TRAPPC9: variants seen among roughly 807,000 people sequenced by gnomAD.
TRAPPC9 encodes IKK2 binding protein.
TRAPPC9 carries 83 observed loss-of-function variants against 124.0 expected under a neutral mutation model. The ratio of observed to expected loss-of-function variants is 0.67; its 90% CI spans 0.56 to 0.80. TRAPPC9 has a LOEUF of 0.80. Among genes scored for constraint, TRAPPC9 ranks in the 30% least tolerant of loss-of-function variants. TRAPPC9 has a pLI of 0.00. For synonymous variants in TRAPPC9, 638 were observed against 617.5 expected, an observed-to-expected ratio of 1.03 and a Z score of -0.49; for missense variants, 1,302 against 1,508.3, an observed-to-expected ratio of 0.86 and a Z score of 2.27.
chr8:140,135,659 C>T (rs955904919), intron 17 of TRAPPC9, among the ~76,000 whole-genome samples: 5 of 152,270 alleles, frequency 3.3e-5, no homozygotes, highest in South Asian at 2.1e-4. Flanking sequence ...ATTATTGCTT[C>T]GTGGATACAG....
At chr8:140,380,945 C>T (rs1457617873) in intron 7 of TRAPPC9, among the ~76,000 whole-genome samples, 3 of 151,954 alleles carry the variant, frequency 2.0e-5, no homozygotes, top group African/African-American at 7.2e-5. Context: ...TGGTTCATGC[C>T]TGTAATCTTA....
chr8:140,304,446 C>A (rs1037386816), intron 10 of TRAPPC9, among the ~76,000 whole-genome samples: 1 of 151,868 alleles, frequency 6.6e-6, no homozygotes, highest in South Asian at 2.1e-4. Context: ...GGGCATAGGA[C>A]GTTGAAGTGT....
At chr8:140,379,106 T>C (rs890151063) in intron 7 of TRAPPC9, among the ~76,000 whole-genome samples, 1 of 152,202 alleles carries the variant, frequency 6.6e-6, no homozygotes, top group African/African-American at 2.4e-5. Flanking sequence ...AACAGACTTT[T>C]TTTTTTTTTC....
chr8:139,925,984 C>A (rs978224460), intron 19 of TRAPPC9, among the ~76,000 whole-genome samples: 1 of 152,210 alleles, frequency 6.6e-6, no homozygotes, highest in Non-Finnish European at 1.5e-5. Context: ...CAATGGTGTG[C>A]TGCAGCTAGC....
At chr8:140,288,791 G>A (rs1210383630) in intron 12 of TRAPPC9, among the ~76,000 whole-genome samples, 6 of 152,182 alleles carry the variant, frequency 3.9e-5, no homozygotes, top group Non-Finnish European at 7.3e-5. Flanking sequence ...AACTACATTA[G>A]AATAAACCTA....
intron 21 of TRAPPC9, among the ~76,000 whole-genome samples, chr8:139,765,210 G>A (rs749565517): frequency 3.0e-4 from 45 of 152,278 alleles, no homozygotes; most frequent in Non-Finnish European, 5.0e-4. Flanking sequence ...CCATCCCATC[G>A]CTCAGAGGCG....
At chr8:140,039,067 A>T (rs1841095231) in intron 17 of TRAPPC9, among the ~76,000 whole-genome samples, 1 of 152,218 alleles carries the variant, frequency 6.6e-6, no homozygotes, top group Admixed American at 6.5e-5. Flanking sequence ...TCCGGTGTTA[A>T]ATCTGTGGTA....
At chr8:140,401,991 A>G (rs1160550921) in intron 6 of TRAPPC9, among the ~76,000 whole-genome samples, 3 of 149,800 alleles carry the variant, frequency 2.0e-5, no homozygotes, top group Non-Finnish European at 4.4e-5. Flanking sequence ...TATGATTAAT[A>G]TATTATTCCT....
At chr8:140,086,654 G>A (rs1844203209) in intron 17 of TRAPPC9, among the ~76,000 whole-genome samples, 2 of 152,170 alleles carry the variant, frequency 1.3e-5, no homozygotes, top group African/African-American at 4.8e-5. Flanking sequence ...AGGCGTGGTG[G>A]CTCATGCCTG....
intron 21 of TRAPPC9, among the ~76,000 whole-genome samples, chr8:139,877,947 C>A (rs374190244): frequency 6.6e-6 from 1 of 152,204 alleles, no homozygotes; most frequent in African/African-American, 2.4e-5. Context: ...GTCCGAGCCA[C>A]GCAACTGCTG....
intron 21 of TRAPPC9, among the ~76,000 whole-genome samples, chr8:139,761,968 T>C (rs1166776397): frequency 6.6e-6 from 1 of 151,762 alleles, no homozygotes; most frequent in Non-Finnish European, 1.5e-5. Flanking sequence ...AGATTGTTTC[T>C]TTTACACTTG....
At chr8:140,040,881 A>G (rs1197502928) in intron 17 of TRAPPC9, 1 of 152,302 alleles carries the variant, frequency 6.6e-6, no homozygotes, top group Non-Finnish European at 1.5e-5. Flanking sequence ...GGAAACAGTC[A>G]AGAGATGACC....
At chr8:140,457,022 A>C (rs1564038858) in intron 1 of TRAPPC9, among the ~76,000 whole-genome samples, 1 of 152,204 alleles carries the variant, frequency 6.6e-6, no homozygotes, top group African/African-American at 2.4e-5. Flanking sequence ...TGGAGTTGAC[A>C]GCGCGCTTAT....
At chr8:140,086,468 T>C (rs1170139565) in intron 17 of TRAPPC9, among the ~76,000 whole-genome samples, 1 of 152,084 alleles carries the variant, frequency 6.6e-6, no homozygotes, top group Non-Finnish European at 1.5e-5. Flanking sequence ...TCCCCATGGC[T>C]CTCAGGGGCC....
At chr8:139,910,840 T>C (rs568212623) in intron 19 of TRAPPC9, among the ~76,000 whole-genome samples, 18 of 152,358 alleles carry the variant, frequency 1.2e-4, no homozygotes, top group Middle Eastern at 3.4e-3. Context: ...TGTACCCCTA[T>C]TGTATCTAGG....
intron 1 of TRAPPC9, among the ~76,000 whole-genome samples, chr8:140,454,007 G>A (rs886504215): frequency 7.2e-5 from 11 of 152,194 alleles, no homozygotes; most frequent in Admixed American, 1.3e-4. Context: ...GTATCATCTC[G>A]GCCAGACACG....
At chr8:139,743,145 TAC>T (rs1157364848) in intron 21 of TRAPPC9, among the ~76,000 whole-genome samples, 1 of 152,104 alleles carries the variant, frequency 6.6e-6, no homozygotes, top group Admixed American at 6.5e-5. Context: ...CTGTGTAAAT[TAC>T]AGTGACAGCG....
intron 7 of TRAPPC9, among the ~76,000 whole-genome samples, chr8:140,372,467 C>T (rs1243791561): frequency 6.6e-6 from 1 of 152,172 alleles, no homozygotes; most frequent in African/African-American, 2.4e-5. Context: ...CCTACCACCT[C>T]TCGACCTTCC....
At chr8:139,872,614 G>A (rs1288356989) in intron 21 of TRAPPC9, among the ~76,000 whole-genome samples, 2 of 147,320 alleles carry the variant, frequency 1.4e-5, no homozygotes, top group Non-Finnish European at 3.0e-5. Context: ...ACGGATGGGT[G>A]GGCTGGTGGA....
Sources: gnomAD v4.1 joint callset for allele counts (sites outside exome capture counted in the v4.1 genomes callset) on GRCh38, gnomAD v4.1.1 for gene constraint, MANE v1.5 for transcripts, NCBI Gene and HGNC (gene_info 2026-07-23, HGNC 2026-07-21) for gene names.